Variants in CLEC19A observed in about 807,000 individuals in gnomAD.
The protein encoded by CLEC19A is C-type lectin domain family 19 member A.
CLEC19A carries 21 observed loss-of-function variants against 26.1 expected under a neutral mutation model. That is an observed-to-expected ratio of 0.80 (90% confidence interval 0.57 to 1.16). The LOEUF is 1.16. Ranked by LOEUF, CLEC19A falls within the 50% of genes most tolerant of loss-of-function variation. The probability of loss-of-function intolerance (pLI) is 0.00; values close to 1 mark genes in which losing one functional copy is unlikely to be tolerated. For missense variants in CLEC19A, 224 were observed against 227.6 expected (o/e 0.98, Z 0.10); for synonymous variants, 89 against 88.6 (o/e 1.00, Z -0.03).
chr16:19,289,846 A>T (rs1301351982), intron 1 of CLEC19A, among the ~76,000 whole-genome samples: 2 of 152,234 alleles, frequency 1.3e-5, no homozygotes, highest in Non-Finnish European at 2.9e-5. Context: ...CCCGTAGGAC[A>T]GCAGGAGGGC....
intron 1 of CLEC19A, among the ~76,000 whole-genome samples, chr16:19,291,603 G>A (rs1342854641): frequency 6.6e-6 from 1 of 152,206 alleles, no homozygotes; most frequent in Non-Finnish European, 1.5e-5. Context: ...TGTTGCCATG[G>A]TTACCTGACT....
At chr16:19,291,822 G>A (rs1897591127) in intron 1 of CLEC19A, among the ~76,000 whole-genome samples, 1 of 152,212 alleles carries the variant, frequency 6.6e-6, no homozygotes, top group Non-Finnish European at 1.5e-5. Flanking sequence ...ACAATTAAAG[G>A]CCTTTGCCTG....
At chr16:19,301,783 G>C (rs1897840926) in intron 2 of CLEC19A, among the ~76,000 whole-genome samples, 1 of 121,200 alleles carries the variant, frequency 8.3e-6, no homozygotes, top group Non-Finnish European at 1.6e-5. Flanking sequence ...AGCAGAGACG[G>C]AGTTTCACCA....
At chr16:19,286,660 T>C (rs1897476148) in intron 1 of CLEC19A, among the ~76,000 whole-genome samples, 2 of 152,358 alleles carry the variant, frequency 1.3e-5, no homozygotes, top group Middle Eastern at 3.4e-3. Flanking sequence ...CTGAATCCTA[T>C]AATTTGGTGG....
intron 1 of CLEC19A, among the ~76,000 whole-genome samples, chr16:19,287,931 A>G (rs1043680244): frequency 1.3e-5 from 2 of 152,240 alleles, no homozygotes; most frequent in Admixed American, 1.3e-4. Context: ...TTCTGACAAA[A>G]GTCTTCAACA....
chr16:19,287,099 G>A (rs1171129893), intron 1 of CLEC19A, among the ~76,000 whole-genome samples: 1 of 150,852 alleles, frequency 6.6e-6, no homozygotes, highest in Admixed American at 6.6e-5. Context: ...TTGGGCAAGG[G>A]GTTTCAGTTC....
chr16:19,295,198 G>T (rs1378891998), intron 1 of CLEC19A, among the ~76,000 whole-genome samples: 1 of 151,784 alleles, frequency 6.6e-6, no homozygotes, highest in Non-Finnish European at 1.5e-5. Flanking sequence ...GGACTCTCAG[G>T]GTTTTGTTGT....
At chr16:19,286,039 G>A (rs1327511606) in intron 1 of CLEC19A, 100 bp downstream of exon 1, 1 of 1,190,306 alleles carries the variant, frequency 8.4e-7, no homozygotes, top group Non-Finnish European at 1.2e-6. Flanking sequence ...GGGGGTTGGG[G>A]TGGCCTGACC....
At chr16:19,308,058 A>G (rs1346659830) in intron 4 of CLEC19A, among the ~76,000 whole-genome samples, 2 of 152,322 alleles carry the variant, frequency 1.3e-5, no homozygotes, top group East Asian at 3.9e-4. Flanking sequence ...AGCAAGCCAC[A>G]TGTGTGGTGG....
chr16:19,289,000 T>G (rs1302549004), intron 1 of CLEC19A, among the ~76,000 whole-genome samples: 1 of 151,986 alleles, frequency 6.6e-6, no homozygotes, highest in Non-Finnish European at 1.5e-5. Context: ...CTTACTAGAG[T>G]CTCTACCTCT....
chr16:19,292,778 A>G (rs748400920), intron 1 of CLEC19A, among the ~76,000 whole-genome samples: 7 of 152,248 alleles, frequency 4.6e-5, no homozygotes, highest in Non-Finnish European at 7.3e-5. Context: ...AATTATCTGC[A>G]AAGGTCAGAA....
At chr16:19,294,281 C>A (rs1291067022) in intron 1 of CLEC19A, among the ~76,000 whole-genome samples, 1 of 152,192 alleles carries the variant, frequency 6.6e-6, no homozygotes, top group East Asian at 1.9e-4. Context: ...CTGCAAACAT[C>A]CTGCTCAAGT....
chr16:19,288,395 A>C (rs927188117), intron 1 of CLEC19A, among the ~76,000 whole-genome samples: 1 of 152,084 alleles, frequency 6.6e-6, no homozygotes, highest in African/African-American at 2.4e-5. Context: ...TATTGAGAAT[A>C]GGCTTGGTTT....
chr16:19,294,859 T>TTGTGTTGCTGTGC (rs146454955), intron 1 of CLEC19A, among the ~76,000 whole-genome samples: 24,953 of 152,030 alleles, frequency 0.16, 2,701 homozygotes, highest in Non-Finnish European at 0.22. Context: ...CTGTGATGTT[T>TTGTGTTGCTGTGC]TGTGTTGCTG....
intron 3 of CLEC19A, among the ~76,000 whole-genome samples, chr16:19,305,393 G>T (rs1897930109): frequency 1.3e-5 from 2 of 152,212 alleles, no homozygotes. Flanking sequence ...TGGGGTAGGG[G>T]TGGGTGTATA....
intron 2 of CLEC19A, among the ~76,000 whole-genome samples, chr16:19,303,647 A>G (rs1374313989): frequency 6.6e-6 from 1 of 152,182 alleles, no homozygotes; most frequent in East Asian, 1.9e-4. Flanking sequence ...AGAGAAGGGG[A>G]TATATTATAA....
intron 1 of CLEC19A, among the ~76,000 whole-genome samples, chr16:19,291,342 G>A (rs969598426): frequency 6.6e-6 from 1 of 152,150 alleles, no homozygotes; most frequent in African/African-American, 2.4e-5. Context: ...AAAGGAAATG[G>A]GCTTAAATGC....
At position 19,309,794 on chromosome 16, in the gene CLEC19A, A is replaced by G. The variant is rs1275052104; in HGVS notation, c.*711A>G. 4 of 151,742 alleles carry G rather than the reference A, an allele frequency of 2.6e-5. No individual in the cohort carries two copies. Among genetic ancestry groups the G allele is most frequent in the Non-Finnish European group, 5.9e-5 (4 of 67,938 alleles). 9.4% of individuals were successfully genotyped at this position (151,742 alleles called of 1,614,324 possible). ...GGACGCTACAGGCGCATGCCACCAC[A>G]TCTAGCTAACTTTTGTATTTTTTTT... is the stretch of plus-strand genomic sequence containing the variant. On this transcript the variant is annotated 3_prime_UTR_variant, in exon 5 of 5. Transcript: ENST00000636231.
intron 4 of CLEC19A, among the ~76,000 whole-genome samples, chr16:19,308,706 T>G (rs1470766258): frequency 6.6e-6 from 1 of 152,152 alleles, no homozygotes; most frequent in Non-Finnish European, 1.5e-5. Context: ...CTTTTCCTAA[T>G]TAGGGGAGGG....
Sources: allele counts gnomAD v4.1 joint callset (sites outside exome capture counted in the v4.1 genomes callset), GRCh38; gene constraint gnomAD v4.1.1; transcripts MANE v1.5; gene names NCBI Gene and HGNC (gene_info 2026-07-23, HGNC 2026-07-21).